Variants in CNTNAP2 observed in about 807,000 individuals in gnomAD.
CNTNAP2 encodes the protein contactin associated protein 2, also known as contactin-associated protein-like 2.
CNTNAP2 carries 98 observed loss-of-function variants against 155.2 expected under a neutral mutation model. The ratio of observed to expected loss-of-function variants is 0.63; its 90% confidence interval spans 0.54 to 0.75. CNTNAP2 has a LOEUF of 0.75. CNTNAP2 is among the 30% of genes least tolerant of loss of function. The pLI, the probability that CNTNAP2 is intolerant of heterozygous loss-of-function variation, is 0.00. For synonymous variants in CNTNAP2, 651 were observed against 631.2 expected (o/e 1.03, Z -0.47); for missense variants, 1,727 against 1,688.1 (o/e 1.02, Z -0.40).
At position 148,222,543 on chromosome 7, in the gene CNTNAP2, G is replaced by GATGAATGGACCATTCCATGAATCT. The variant is rs1795768174; in HGVS notation, c.3247+5028_3247+5029insCCATTCCATGAATCTATGAATGGA. Among the ~76,000 whole-genome samples the GATGAATGGACCATTCCATGAATCT allele has an allele frequency of 2.8e-5, 4 of 143,052 alleles. No homozygotes were observed. The South Asian group carries it at 9.7e-4, about 35-fold the overall frequency. 93.8% of individuals were successfully genotyped at this position (143,052 alleles called of 152,430 possible). A position where few individuals can be genotyped will look rare whatever the true frequency, so the allele number is the denominator to read the frequency against. On this transcript the variant is annotated intron_variant, in intron 19 of 23. Coordinates refer to ENST00000361727, the MANE Select transcript of CNTNAP2 (RefSeq NM_014141.6). Reference sequence around the variant, plus strand: ...CGATGAATGGATCATTCCATGAATCGATGAATGGATCATTCCATGAATCTA... The same window carrying GATGAATGGACCATTCCATGAATCT: ...CGATGAATGGATCATTCCATGAATCGATGAATGGACCATTCCATGAATCTATGAATGGATCATTCCATGAATCTA...
intron 13 of CNTNAP2, among the ~76,000 whole-genome samples, chr7:147,902,041 T>C (rs1206143620): frequency 6.6e-6 from 1 of 152,224 alleles, no homozygotes; most frequent in Non-Finnish European, 1.5e-5. Flanking sequence ...ATGATCTCCA[T>C]GACTTAGTTC....
chr7:147,933,788 A>G (rs1445013788), intron 14 of CNTNAP2, among the ~76,000 whole-genome samples: 2 of 152,122 alleles, frequency 1.3e-5, no homozygotes, highest in African/African-American at 4.8e-5. Flanking sequence ...GATTGAATCC[A>G]GGAGGCAGAG....
intron 17 of CNTNAP2, among the ~76,000 whole-genome samples, chr7:148,152,878 A>G (rs1194964636): frequency 1.3e-4 from 20 of 152,030 alleles, no homozygotes; most frequent in Non-Finnish European, 2.2e-4. Flanking sequence ...AAAATTAGCC[A>G]GGTGTAGTGG....
At chr7:147,487,741 G>A (rs1798535615) in intron 11 of CNTNAP2, among the ~76,000 whole-genome samples, 2 of 152,170 alleles carry the variant, frequency 1.3e-5, no homozygotes, top group African/African-American at 2.4e-5. Context: ...TGGTTGAGTA[G>A]CTGAGGTTTG....
chr7:147,372,606 C>T (rs1197268802), intron 9 of CNTNAP2, among the ~76,000 whole-genome samples: 3 of 152,082 alleles, frequency 2.0e-5, no homozygotes, highest in African/African-American at 2.4e-5. Flanking sequence ...ATCATTTATA[C>T]ATTATAACCA....
At chr7:147,468,752 T>C (rs1798161816) in intron 10 of CNTNAP2, among the ~76,000 whole-genome samples, 1 of 152,202 alleles carries the variant, frequency 6.6e-6, no homozygotes, top group Non-Finnish European at 1.5e-5. Context: ...TCTGAAACAC[T>C]TTGACATTCC....
intron 2 of CNTNAP2, among the ~76,000 whole-genome samples, chr7:146,833,309 G>T (rs1237807214): frequency 6.6e-6 from 1 of 152,072 alleles, no homozygotes; most frequent in African/African-American, 2.4e-5. Flanking sequence ...TTTCATTCCT[G>T]TCATTTGAAA....
At chr7:147,999,730 C>T (rs1002082458) in intron 15 of CNTNAP2, among the ~76,000 whole-genome samples, 9 of 151,986 alleles carry the variant, frequency 5.9e-5, no homozygotes, top group African/African-American at 1.2e-4. Flanking sequence ...GAAGAGAAAG[C>T]GCACACACAC....
At chr7:148,182,445 A>G (rs1400085877) in intron 18 of CNTNAP2, among the ~76,000 whole-genome samples, 1 of 152,176 alleles carries the variant, frequency 6.6e-6, no homozygotes, top group African/African-American at 2.4e-5. Flanking sequence ...TCTGACATGC[A>G]ATTTCTTCAC....
chr7:146,343,646 T>C (rs1456381957), intron 1 of CNTNAP2, among the ~76,000 whole-genome samples: 1 of 152,154 alleles, frequency 6.6e-6, no homozygotes, highest in East Asian at 1.9e-4. Context: ...AATATGAATT[T>C]ATTTAAGACA....
At chr7:146,977,368 A>C (rs938601276) in intron 3 of CNTNAP2, among the ~76,000 whole-genome samples, 1 of 152,210 alleles carries the variant, frequency 6.6e-6, no homozygotes, top group Non-Finnish European at 1.5e-5. Context: ...ATAGAGAAGG[A>C]AAGGAATAGA....
chr7:147,707,622 C>T (rs113315799), intron 13 of CNTNAP2, among the ~76,000 whole-genome samples: 1,586 of 152,300 alleles, frequency 0.01, 18 homozygotes, highest in African/African-American at 0.036. Flanking sequence ...TCTTGGGCCT[C>T]TAGGTGGCTT....
chr7:146,162,425 A>C (rs918293374), intron 1 of CNTNAP2, among the ~76,000 whole-genome samples: 1 of 152,250 alleles, frequency 6.6e-6, no homozygotes, highest in Non-Finnish European at 1.5e-5. Context: ...ATCACTGGCC[A>C]TGAGAGAAAT....
Position 148,147,661 on chromosome 7 carries a change from C to T in CNTNAP2, c.2725C>T (p.Pro909Ser). The change falls in exon 17 of 24, where the codon CCA (proline) becomes TCA (serine). Residue 909 changes from proline (P) to serine (S), a missense_variant. By Grantham distance (74) the Pro-to-Ser change is moderately conservative. Transcript: ENST00000361727. ...DRLPQQIRKA[P>S]TEGHTRLELY... ...GCTACCGCAGCAGATCCGCAAGGCC[C>T]CAACAGAAGGCCACACCCGCCTGGA... The T allele has an allele frequency of 6.2e-7, 1 of 1,614,002 alleles. No homozygotes were observed. Among genetic ancestry groups the T allele is most frequent in the Non-Finnish European group, 8.5e-7 (1 of 1,180,008 alleles).
chr7:146,596,595 C>CAGAGAGAGAGAGAG lies in CNTNAP2; in HGVS notation c.98-177644_98-177631dup, dbSNP rs368697909. The stretch of plus-strand genomic sequence containing the variant: ...AAGAAAGAGAGAGATAGAAGGGAGA[C>CAGAGAGAGAGAGAG]AGAGAGAGAGAGAGAGAGAGAGAGA... On this transcript the variant is annotated intron_variant, in intron 1 of 23. Transcript: ENST00000361727. Among the ~76,000 whole-genome samples the CAGAGAGAGAGAGAG allele has an allele frequency of 3.4e-3, 352 of 105,058 alleles. 12 individuals carry two copies. Among genetic ancestry groups the CAGAGAGAGAGAGAG allele is most frequent in the Non-Finnish European group, 5.5e-3 (281 of 50,928 alleles). 68.9% of individuals were successfully genotyped at this position (105,058 alleles called of 152,430 possible).
rs540000642 is a variant in CNTNAP2, at chr7:147,238,295, G to A, written c.1349-61846G>A. Among the ~76,000 whole-genome samples, 192 of 152,282 alleles carry A rather than the reference G, an allele frequency of 1.3e-3. 1 individual carries two copies. The highest frequency in any genetic ancestry group is 2.3e-3 in the Non-Finnish European group (154 of 68,026). ...CTCCCAAAGTGCTGAGATTACAGGC[G>A]TGAGCCACCGTGCCCGGCCTCAAAT... is the stretch of plus-strand genomic sequence containing the variant. On this transcript the variant is annotated intron_variant, in intron 8 of 23. Transcript: ENST00000361727.
At chr7:147,473,956 G>T (rs376804923) in intron 10 of CNTNAP2, among the ~76,000 whole-genome samples, 1 of 152,090 alleles carries the variant, frequency 6.6e-6, no homozygotes, top group African/African-American at 2.4e-5. Context: ...GCACATGCCT[G>T]TAATCCCAGC....
chr7:146,965,106 G>C (rs1797630756), intron 3 of CNTNAP2, among the ~76,000 whole-genome samples: 1 of 152,194 alleles, frequency 6.6e-6, no homozygotes, highest in African/African-American at 2.4e-5. Flanking sequence ...CATGATAAGA[G>C]TCATGTAAGA....
intron 3 of CNTNAP2, among the ~76,000 whole-genome samples, chr7:146,977,323 C>T (rs1398988775): frequency 6.6e-6 from 1 of 151,618 alleles, no homozygotes; most frequent in Non-Finnish European, 1.5e-5. Flanking sequence ...CATAAAGATA[C>T]CATATGTGCA....
Sources: allele counts gnomAD v4.1 joint callset (sites outside exome capture counted in the v4.1 genomes callset), GRCh38; gene constraint gnomAD v4.1.1; transcripts MANE v1.5; gene names NCBI Gene and HGNC (gene_info 2026-07-23, HGNC 2026-07-21).